ADGRG2: variants seen among roughly 807,000 people sequenced by gnomAD.
The protein encoded by ADGRG2 is adhesion G protein-coupled receptor G2.
A neutral mutation model predicts 74.1 loss-of-function variants in ADGRG2; 26 were observed. The observed-to-expected ratio is 0.35, with a 90% CI of 0.26 to 0.49. The LOEUF (loss-of-function observed/expected upper bound fraction) is 0.49, where lower values mean the gene tolerates loss of function less well. ADGRG2 is among the 20% of genes least tolerant of loss of function. The probability of loss-of-function intolerance (pLI) is 0.99; values close to 1 mark genes in which losing one functional copy is unlikely to be tolerated. For missense variants in ADGRG2, 619 were observed against 763.1 expected (o/e 0.81, Z 2.22); for synonymous variants, 296 against 295.2 (o/e 1.00, Z -0.03).
At chrX:19,009,911 A>G (rs2060318129) in intron 17 of ADGRG2, 129 bp from the exon 18 acceptor site, 1 of 466,040 alleles carries the variant, frequency 2.1e-6, no homozygotes, top group Non-Finnish European at 3.6e-6. Context: ...CCTGGGTTCA[A>G]GCAATTCTAC....
At chrX:19,059,270 A>T (rs1158991180) in intron 3 of ADGRG2, among the ~76,000 whole-genome samples, 1 of 111,862 alleles carries the variant, frequency 8.9e-6, no homozygotes, top group Non-Finnish European at 1.9e-5. Flanking sequence ...GTGGTTAAGA[A>T]CACGAGTTCT....
intron 3 of ADGRG2, among the ~76,000 whole-genome samples, chrX:19,054,279 T>TAA (rs1254676949): frequency 3.6e-5 from 4 of 111,886 alleles, no homozygotes; most frequent in African/African-American, 1.3e-4. Context: ...GACCATAACT[T>TAA]ACGTTTTATA....
chrX:19,071,527 G>C lies in ADGRG2; in HGVS notation c.-1-2692C>G, dbSNP rs1165589630. On this transcript the variant is annotated intron_variant, in intron 2 of 28. Coordinates refer to ENST00000379869, the MANE Select transcript of ADGRG2 (RefSeq NM_001079858.3). ...TGCCAAGGAAACCAGAGACAAAAGA[G>C]TGCTTATTGTACATAATTCCATTCA... Among the ~76,000 whole-genome samples, 7 of 111,899 alleles carry C rather than the reference G, an allele frequency of 6.3e-5. 1 individual carries two copies. The highest frequency in any genetic ancestry group is 2.0e-4 in the African/African-American group (6 of 30,725).
At chrX:18,998,852 T>C in intron 26 of ADGRG2, 144 bp downstream of exon 26, 2 of 495,297 alleles carry the variant, frequency 4.0e-6, no homozygotes, top group Non-Finnish European at 6.9e-6. Flanking sequence ...TTTGTGTGAC[T>C]CACTTTATTG....
intron 1 of ADGRG2, among the ~76,000 whole-genome samples, chrX:19,104,225 G>GA (rs2062239564): frequency 9.0e-6 from 1 of 110,850 alleles, no homozygotes; most frequent in African/African-American, 3.3e-5. Flanking sequence ...GAAACTCAGT[G>GA]AGGGAGGCCT....
intron 2 of ADGRG2, among the ~76,000 whole-genome samples, chrX:19,069,287 G>A (rs1432725456): frequency 8.9e-6 from 1 of 111,742 alleles, no homozygotes; most frequent in Admixed American, 9.5e-5. Flanking sequence ...ATAGTATACT[G>A]TGGCTTCAAG....
intron 1 of ADGRG2, among the ~76,000 whole-genome samples, chrX:19,106,716 C>A (rs922955398): frequency 1.8e-5 from 2 of 110,527 alleles, no homozygotes. Flanking sequence ...GCCAGGAGTT[C>A]GAGACCAGCC....
chrX:19,108,071 C>A (rs1179079264), intron 1 of ADGRG2, among the ~76,000 whole-genome samples: 2 of 99,092 alleles, frequency 2.0e-5, no homozygotes, highest in Non-Finnish European at 4.0e-5. Context: ...TGCACTCCAG[C>A]ACTCCAGCCT....
chrX:19,026,748 G>A (rs772439561), intron 11 of ADGRG2, among the ~76,000 whole-genome samples: 37 of 110,687 alleles, frequency 3.3e-4, no homozygotes, highest in African/African-American at 1.1e-3. Context: ...CACCTGCCTC[G>A]GCCTCCAAAA....
chrX:19,082,278 T>C (rs921689699), intron 2 of ADGRG2, among the ~76,000 whole-genome samples: 2 of 110,198 alleles, frequency 1.8e-5, no homozygotes, highest in Non-Finnish European at 3.8e-5. Context: ...CCTTGGTCCA[T>C]TACAAAACAT....
rs1432304274 is a variant in ADGRG2 at position 19,023,904 on chromosome X, A to G, written c.510+5T>C. 1 of 1,169,705 alleles carries G rather than the reference A, an allele frequency of 8.5e-7. No homozygotes were observed. Among genetic ancestry groups the G allele is most frequent in the African/African-American group, 1.8e-5 (1 of 56,377 alleles). On this transcript the variant is annotated splice_donor_5th_base_variant and intron_variant, in intron 12 of 28. Coordinates refer to ENST00000379869, the MANE Select transcript of ADGRG2 (RefSeq NM_001079858.3). ...TAAACAAGCTACAGGGTGCACTATGATTACCTCACTTAGGGTTTGCAGGGT... is the reference window on the plus strand; with the variant it reads ...TAAACAAGCTACAGGGTGCACTATGGTTACCTCACTTAGGGTTTGCAGGGT...
chrX:19,090,708 A>AT (rs11293957), intron 1 of ADGRG2, among the ~76,000 whole-genome samples: 4,213 of 105,539 alleles, frequency 0.04, 175 homozygotes, highest in African/African-American at 0.12. Context: ...TGAATGATGT[A>AT]TTTTTTTTTT....
intron 3 of ADGRG2, among the ~76,000 whole-genome samples, chrX:19,065,538 A>C (rs1274727806): frequency 2.7e-5 from 3 of 111,278 alleles, no homozygotes; most frequent in African/African-American, 9.8e-5. Context: ...TTTCCTATTT[A>C]CCTGCCCCTG....
At chrX:19,074,985 A>C (rs1342986605) in intron 2 of ADGRG2, among the ~76,000 whole-genome samples, 1 of 111,310 alleles carries the variant, frequency 9.0e-6, no homozygotes, top group Admixed American at 9.6e-5. Context: ...GCCCACTTAT[A>C]CCTGTGGGTA....
chrX:19,037,431 G>A, intron 6 of ADGRG2, 36 bp downstream of exon 6: 1 of 1,012,778 alleles, frequency 9.9e-7, no homozygotes, highest in Non-Finnish European at 1.4e-6. Flanking sequence ...CATATTAAGG[G>A]TTATCAATTT....
intron 16 of ADGRG2, among the ~76,000 whole-genome samples, chrX:19,011,839 T>C (rs2060363962): frequency 9.0e-6 from 1 of 111,672 alleles, no homozygotes; most frequent in Admixed American, 9.5e-5. Context: ...AGTGAGACTC[T>C]CTCTCTCTCT....
chrX:19,032,196 C>A (rs2060839431), intron 8 of ADGRG2: 1 of 111,740 alleles, frequency 8.9e-6, no homozygotes, highest in African/African-American at 3.3e-5. Context: ...TTAGCGAAGA[C>A]ACCTATAGCT....
intron 23 of ADGRG2, among the ~76,000 whole-genome samples, chrX:19,003,694 G>A (rs769807572): frequency 2.7e-5 from 3 of 111,477 alleles, no homozygotes; most frequent in Non-Finnish European, 5.6e-5. Context: ...GACTGTTGAC[G>A]CATACTTTTA....
intron 15 of ADGRG2, among the ~76,000 whole-genome samples, chrX:19,016,418 A>G (rs2060469883): frequency 9.0e-6 from 1 of 111,351 alleles, no homozygotes; most frequent in Admixed American, 9.5e-5. Context: ...TTGGCTGCAC[A>G]TTAGAACCAC....
Sources: allele counts gnomAD v4.1 joint callset (sites outside exome capture counted in the v4.1 genomes callset), GRCh38; gene constraint gnomAD v4.1.1; transcripts MANE v1.5; gene names NCBI Gene and HGNC (gene_info 2026-07-23, HGNC 2026-07-21).